Variants in SERGEF observed in about 807,000 individuals in gnomAD.
The protein encoded by SERGEF is secretion regulating guanine nucleotide exchange factor.
In SERGEF, 51 loss-of-function variants were observed where a neutral mutation model predicts 50.0. The ratio of observed to expected loss-of-function variants is 1.02; its 90% confidence interval spans 0.81 to 1.29. The LOEUF (loss-of-function observed/expected upper bound fraction) is 1.29, where lower values mean the gene tolerates loss of function less well. SERGEF is among the 50% of genes most tolerant of loss of function. The pLI, the probability that SERGEF is intolerant of heterozygous loss-of-function variation, is 0.00. For missense variants in SERGEF, 521 were observed against 557.0 expected (o/e 0.94, Z 0.65); for synonymous variants, 205 against 212.4 (o/e 0.97, Z 0.30).
At chr11:17,801,430 G>GT (rs1849668741) in intron 10 of SERGEF, among the ~76,000 whole-genome samples, 1 of 152,212 alleles carries the variant, frequency 6.6e-6, no homozygotes, top group South Asian at 2.1e-4. Context: ...GTGCAGGAAG[G>GT]TGGCTCAAAG....
At chr11:17,946,844 C>T (rs917722406) in intron 9 of SERGEF, among the ~76,000 whole-genome samples, 5 of 152,194 alleles carry the variant, frequency 3.3e-5, no homozygotes, top group Admixed American at 2.6e-4. Context: ...AGAACTAATA[C>T]ATTATAACTC....
At chr11:17,969,997 T>C (rs1853213502) in intron 8 of SERGEF, among the ~76,000 whole-genome samples, 1 of 152,216 alleles carries the variant, frequency 6.6e-6, no homozygotes. Context: ...CAAGGTCAAA[T>C]AGTGAGTTAG....
chr11:17,999,508 C>G, intron 5 of SERGEF: 1 of 451,510 alleles, frequency 2.2e-6, no homozygotes. Flanking sequence ...TCTCTCCTTC[C>G]TCCACTCCAC....
At chr11:17,933,981 C>A (rs1302102979) in intron 9 of SERGEF, among the ~76,000 whole-genome samples, 1 of 152,110 alleles carries the variant, frequency 6.6e-6, no homozygotes, top group Non-Finnish European at 1.5e-5. Flanking sequence ...AAAGTTTCTA[C>A]TAAAGCTGGT....
chr11:17,895,673 T>C (rs1851606365), intron 9 of SERGEF, among the ~76,000 whole-genome samples: 1 of 152,204 alleles, frequency 6.6e-6, no homozygotes, highest in Non-Finnish European at 1.5e-5. Flanking sequence ...ATAAAGTTTA[T>C]TTATTTTTTT....
intron 9 of SERGEF, among the ~76,000 whole-genome samples, chr11:17,902,607 G>A (rs1350126621): frequency 1.3e-5 from 2 of 152,190 alleles, no homozygotes; most frequent in African/African-American, 4.8e-5. Flanking sequence ...GGTGTCAGGG[G>A]AGCAGCACAT....
intron 9 of SERGEF, among the ~76,000 whole-genome samples, chr11:17,902,132 G>T (rs147281612): frequency 1.3e-5 from 2 of 152,286 alleles, no homozygotes; most frequent in African/African-American, 2.4e-5. Context: ...TTTTTTCACT[G>T]AAGAAGGGAG....
At chr11:17,908,013 C>T in intron 9 of SERGEF, among the ~76,000 whole-genome samples, 1 of 152,176 alleles carries the variant, frequency 6.6e-6, no homozygotes, top group East Asian at 1.9e-4. Flanking sequence ...ATTATTGCTG[C>T]CATAACCTTA....
intron 9 of SERGEF, among the ~76,000 whole-genome samples, chr11:17,948,207 C>A (rs1356116212): frequency 6.6e-6 from 1 of 152,138 alleles, no homozygotes; most frequent in Admixed American, 6.5e-5. Context: ...TTCCGAAAAA[C>A]CAATGTAAGA....
chr11:17,806,871 C>G (rs568203326), intron 10 of SERGEF, among the ~76,000 whole-genome samples: 3 of 151,694 alleles, frequency 2.0e-5, no homozygotes, highest in Admixed American at 1.3e-4. Flanking sequence ...GTTCTCCCAC[C>G]AAACTCAATT....
chr11:17,954,297 G>A (rs1018343691), intron 9 of SERGEF, among the ~76,000 whole-genome samples: 2 of 152,150 alleles, frequency 1.3e-5, no homozygotes, highest in African/African-American at 2.4e-5. Flanking sequence ...AATTAGAAAT[G>A]TATTAAATAT....
At chr11:17,928,971 C>T (rs967122297) in intron 9 of SERGEF, among the ~76,000 whole-genome samples, 1 of 152,124 alleles carries the variant, frequency 6.6e-6, no homozygotes, top group African/African-American at 2.4e-5. Context: ...TGTGAAAGTA[C>T]CTAACACATA....
In SERGEF at chr11:17,994,317, T is replaced by C. The variant is rs1049597998; in HGVS notation, c.623-1324A>G. On this transcript the variant is annotated intron_variant, in intron 6 of 10. Coordinates refer to ENST00000265965, the MANE Select transcript of SERGEF (RefSeq NM_012139.4). ...GTGAAAACCCTGTCTCTACTAAAAA[T>C]ACAAAAAAATTAGCCAGGCGTGGTG... is the stretch of plus-strand genomic sequence containing the variant. Among the ~76,000 whole-genome samples, 12 of 151,398 alleles carry C rather than the reference T, an allele frequency of 7.9e-5. 1 individual carries two copies. Among genetic ancestry groups the C allele is most frequent in the Admixed American group, 7.9e-4 (12 of 15,208 alleles).
intron 10 of SERGEF, 47 bp from the exon 11 acceptor site, chr11:17,788,460 G>C (rs1485135384): frequency 6.7e-7 from 1 of 1,488,266 alleles, no homozygotes; most frequent in Non-Finnish European, 9.1e-7. Context: ...TTGGATAATA[G>C]GGCTGAAACA....
chr11:17,950,819 A>G (rs1296797465), intron 9 of SERGEF, among the ~76,000 whole-genome samples: 1 of 152,210 alleles, frequency 6.6e-6, no homozygotes, highest in Non-Finnish European at 1.5e-5. Context: ...TTCAAGGTCA[A>G]ATGCAACAAA....
intron 1 of SERGEF, among the ~76,000 whole-genome samples, chr11:18,009,233 T>C (rs1038710610): frequency 1.3e-5 from 2 of 152,156 alleles, no homozygotes; most frequent in African/African-American, 2.4e-5. Context: ...ACGGCTGTTA[T>C]ATGCTCCCAT....
intron 10 of SERGEF, among the ~76,000 whole-genome samples, chr11:17,851,217 CCAGCTGA>C (rs1850707014): frequency 6.6e-6 from 1 of 151,848 alleles, no homozygotes; most frequent in Non-Finnish European, 1.5e-5. Flanking sequence ...GCTATTATCT[CCAGCTGA>C]CAGAAGAGGA....
At chr11:17,896,842 G>GAAGGGT in intron 9 of SERGEF, among the ~76,000 whole-genome samples, 2 of 54,096 alleles carry the variant, frequency 3.7e-5, no homozygotes, top group African/African-American at 1.6e-4. Context: ...AAGGGTAAGG[G>GAAGGGT]AAGGGAAGGG....
intron 10 of SERGEF, among the ~76,000 whole-genome samples, chr11:17,876,549 C>A (rs923130823): frequency 1.3e-5 from 2 of 152,166 alleles, no homozygotes; most frequent in Admixed American, 1.3e-4. Flanking sequence ...GAATGATTAC[C>A]CCCATTACAA....
Sources: allele counts gnomAD v4.1 joint callset (sites outside exome capture counted in the v4.1 genomes callset), GRCh38; gene constraint gnomAD v4.1.1; transcripts MANE v1.5; gene names NCBI Gene and HGNC (gene_info 2026-07-23, HGNC 2026-07-21).